TCF25: variants seen among roughly 807,000 people sequenced by gnomAD.
The protein encoded by TCF25 is TCF25 ribosome quality control complex subunit.
A neutral mutation model predicts 83.1 loss-of-function variants in TCF25; 41 were observed. That is an observed-to-expected ratio of 0.49 (90% CI 0.38 to 0.64). The LOEUF (loss-of-function observed/expected upper bound fraction) is 0.64. Among genes scored for constraint, TCF25 ranks in the 30% least tolerant of loss-of-function variants. The pLI, the probability that TCF25 is intolerant of heterozygous loss-of-function variation, is 0.00. For synonymous variants in TCF25, 458 were observed against 365.0 expected, an observed-to-expected ratio of 1.25 and a Z score of -2.90; for missense variants, 979 against 914.5, an observed-to-expected ratio of 1.07 and a Z score of -0.91.
intron 5 of TCF25, 21 bp from the exon 6 acceptor site, chr16:89,892,172 C>A (rs555547770): frequency 1.3e-6 from 2 of 1,591,844 alleles, no homozygotes; most frequent in Admixed American, 1.7e-5. Context: ...TAAAGCTGTA[C>A]CTGTGTCCCG....
rs367844707 is a variant in TCF25, at chr16:89,898,881, G to A, written c.1221+9G>A. 4.1e-5 allele frequency: 66 copies of A among 1,612,728 alleles called. No individual in the cohort carries two copies. Among genetic ancestry groups the A allele is most frequent in the Admixed American group, 1.3e-4 (8 of 60,000 alleles). On this transcript the variant is annotated intron_variant, in intron 11 of 17. Coordinates refer to ENST00000263346, the MANE Select transcript of TCF25 (RefSeq NM_014972.3). ...TCTTCCAGGAGTGGGAGGTGGGTGC[G>A]AGCCTGGTGAGGCCCCGTGGAGGGA...
intron 12 of TCF25, among the ~76,000 whole-genome samples, chr16:89,903,390 G>T (rs954082107): frequency 6.6e-6 from 1 of 152,258 alleles, no homozygotes; most frequent in South Asian, 2.1e-4. Flanking sequence ...CATCCAACCG[G>T]CCGGGCACGG....
intron 10 of TCF25, 49 bp downstream of exon 10, chr16:89,898,698 G>C (rs1030928992): frequency 8.7e-6 from 14 of 1,611,358 alleles, no homozygotes; most frequent in Non-Finnish European, 1.2e-5. Flanking sequence ...TGTCCTGGCT[G>C]CAGGCCCACT....
chr16:89,892,282 G>A lies in TCF25; in HGVS notation c.697+7G>A. The A allele has an allele frequency of 6.2e-7, 1 of 1,609,016 alleles. No homozygotes were observed. Among genetic ancestry groups the A allele is most frequent in the Non-Finnish European group, 8.5e-7 (1 of 1,178,096 alleles). ...CCCCGCTACAGCAAACCAGGTGAGG[G>A]TCTGCAGATGCTGCTGGGGATGGAG... On this transcript the variant is annotated splice_region_variant and intron_variant, in intron 6 of 17. Transcript: ENST00000263346.
At chr16:89,881,225 G>C (rs912725421) in intron 1 of TCF25, among the ~76,000 whole-genome samples, 2 of 152,108 alleles carry the variant, frequency 1.3e-5, no homozygotes, top group East Asian at 1.9e-4. Context: ...CCGCAGCCGG[G>C]GTGTCTGTCT....
intron 14 of TCF25, among the ~76,000 whole-genome samples, chr16:89,905,849 C>T (rs1322004039): frequency 2.0e-5 from 3 of 152,224 alleles, no homozygotes; most frequent in African/African-American, 4.8e-5. Context: ...TGCCTGTAGC[C>T]GTAGCAGTGA....
intron 14 of TCF25, among the ~76,000 whole-genome samples, chr16:89,905,353 G>A (rs544038251): frequency 9.2e-5 from 14 of 152,214 alleles, no homozygotes; most frequent in African/African-American, 2.9e-4. Flanking sequence ...TGGTGCCTTC[G>A]GGTCTTGCAG....
At chr16:89,895,878 C>T in intron 8 of TCF25, 112 bp from the exon 9 acceptor site, 1 of 925,642 alleles carries the variant, frequency 1.1e-6, no homozygotes, top group Non-Finnish European at 1.6e-6. Context: ...GTCCAGGACT[C>T]TAGTTTCGTG....
intron 11 of TCF25, among the ~76,000 whole-genome samples, chr16:89,900,117 G>A (rs755206755): frequency 6.6e-6 from 1 of 152,188 alleles, no homozygotes; most frequent in Admixed American, 6.5e-5. Flanking sequence ...CTGTGAGTCT[G>A]TGATCCCATT....
rs538922772 is a variant in TCF25 at position 89,902,614 on chromosome 16, A to G, written c.1382-1504A>G. Among the ~76,000 whole-genome samples, 24 of 147,180 alleles carry G rather than the reference A, an allele frequency of 1.6e-4. 1 individual carries two copies. The highest frequency in any genetic ancestry group is 4.2e-4 in the African/African-American group (17 of 40,878). ...TGAGGCAGGAGAATGGCATGAACCC[A>G]GGAGGCAGAGCTTGCAGTGAGCCGA... On this transcript the variant is annotated intron_variant, in intron 12 of 17. Transcript: ENST00000263346.
At chr16:89,880,896 C>G (rs1220958261) in intron 1 of TCF25, among the ~76,000 whole-genome samples, 2 of 152,134 alleles carry the variant, frequency 1.3e-5, no homozygotes, top group Non-Finnish European at 2.9e-5. Flanking sequence ...GGCAGCCGGC[C>G]CATGCCTAGG....
chr16:89,907,780 A>G (rs1485954883), intron 16 of TCF25, among the ~76,000 whole-genome samples: 2 of 1,714 alleles, frequency 1.2e-3, no homozygotes, highest in Non-Finnish European at 1.9e-3. Flanking sequence ...CCCAGTTCCC[A>G]CCTCCCACCT....
chr16:89,894,183 T>A (rs1251538492), intron 7 of TCF25, among the ~76,000 whole-genome samples: 2 of 152,046 alleles, frequency 1.3e-5, no homozygotes, highest in African/African-American at 4.8e-5. Flanking sequence ...CTCCTGCGGC[T>A]CAGTGCAGGC....
At chr16:89,905,345 G>C (rs2044688231) in intron 14 of TCF25, among the ~76,000 whole-genome samples, 1 of 152,166 alleles carries the variant, frequency 6.6e-6, no homozygotes, top group African/African-American at 2.4e-5. Flanking sequence ...GGCTGGAGTG[G>C]TGCCTTCGGG....
chr16:89,898,664 A>G lies in TCF25; in HGVS notation c.1115+15A>G. On this transcript the variant is annotated intron_variant, in intron 10 of 17. Transcript: ENST00000263346. ...CTCATCCTGAGGTGAGTGTCTGCTCAGGGCCAAGCCCGTCCACGCTCCCTG... is the reference window on the plus strand; with the variant it reads ...CTCATCCTGAGGTGAGTGTCTGCTCGGGGCCAAGCCCGTCCACGCTCCCTG... 1.9e-6 allele frequency: 3 copies of G among 1,612,642 alleles called. No homozygotes were observed. The highest frequency in any genetic ancestry group is 2.5e-6 in the Non-Finnish European group (3 of 1,179,918).
intron 1 of TCF25, among the ~76,000 whole-genome samples, chr16:89,877,057 G>C (rs962347350): frequency 6.6e-6 from 1 of 151,194 alleles, no homozygotes; most frequent in Non-Finnish European, 1.5e-5. Context: ...AACTGAGATT[G>C]TGCCACCAGG....
intron 14 of TCF25, 34 bp from the exon 15 acceptor site, chr16:89,906,160 T>G: frequency 6.3e-7 from 1 of 1,594,330 alleles, no homozygotes; most frequent in Non-Finnish European, 8.6e-7. Flanking sequence ...TTGCTGTGCT[T>G]TATCTGCTGT....
rs1237761855 is a variant in TCF25 at position 89,893,652 on chromosome 16, G to A, written c.698-76G>A. The A allele has an allele frequency of 7.2e-5, 115 of 1,606,580 alleles. 1 individual carries two copies. The highest frequency in any genetic ancestry group is 2.1e-5 in the Non-Finnish European group (25 of 1,176,718). On this transcript the variant is annotated intron_variant, in intron 6 of 17. Coordinates refer to ENST00000263346, the MANE Select transcript of TCF25 (RefSeq NM_014972.3). ...GCAGAGGCCTCATCCAGAACACCAC[G>A]AAGGTGAGGGCTGTGCTCGGAGCTG...
At chr16:89,878,934 C>G (rs2042390105) in intron 1 of TCF25, among the ~76,000 whole-genome samples, 2 of 152,340 alleles carry the variant, frequency 1.3e-5, no homozygotes, top group East Asian at 1.9e-4. Context: ...AGCCACCGCG[C>G]CCAGCCAGTA....
Sources: gnomAD v4.1 joint callset for allele counts (sites outside exome capture counted in the v4.1 genomes callset) on GRCh38, gnomAD v4.1.1 for gene constraint, MANE v1.5 for transcripts, NCBI Gene and HGNC (gene_info 2026-07-23, HGNC 2026-07-21) for gene names.